PLCB1: variants seen among roughly 807,000 people sequenced by gnomAD.
PLCB1 encodes 1-phosphatidylinositol 4,5-bisphosphate phosphodiesterase beta-1.
In PLCB1, 46 loss-of-function variants were observed where a neutral mutation model predicts 161.8. The ratio of observed to expected loss-of-function variants is 0.28; its 90% CI spans 0.22 to 0.36. The LOEUF (loss-of-function observed/expected upper bound fraction) is 0.36. Ranked by LOEUF, PLCB1 falls within the 10% of genes least tolerant of loss-of-function variation. The pLI is 1.00. For missense variants in PLCB1, 1,016 were observed against 1,472.5 expected, an observed-to-expected ratio of 0.69 and a Z score of 5.07; for synonymous variants, 517 against 503.7, an observed-to-expected ratio of 1.03 and a Z score of -0.35.
intron 2 of PLCB1, among the ~76,000 whole-genome samples, chr20:8,184,751 C>T (rs6055611): frequency 0.39 from 57,303 of 147,754 alleles, 12,585 homozygotes; most frequent in African/African-American, 0.61. Flanking sequence ...GTCAACATTT[C>T]GAAAGTTTGG....
chr20:8,338,708 A>G (rs1315615963), intron 2 of PLCB1, among the ~76,000 whole-genome samples: 1 of 152,180 alleles, frequency 6.6e-6, no homozygotes, highest in African/African-American at 2.4e-5. Context: ...AATTTTGACA[A>G]ATGTATACAC....
chr20:8,411,015 T>C (rs1217206992), intron 3 of PLCB1, among the ~76,000 whole-genome samples: 1 of 152,220 alleles, frequency 6.6e-6, no homozygotes, highest in African/African-American at 2.4e-5. Flanking sequence ...GGACTTTTGA[T>C]CTCCAAAACT....
chr20:8,838,053 T>A (rs6140740), intron 31 of PLCB1, among the ~76,000 whole-genome samples: 48,475 of 142,316 alleles, frequency 0.34, 8,757 homozygotes, highest in East Asian at 0.65. Context: ...CTCTGTAAGC[T>A]GAAAATTTCT....
intron 31 of PLCB1, among the ~76,000 whole-genome samples, chr20:8,850,317 G>A (rs1191483728): frequency 2.0e-5 from 3 of 152,154 alleles, no homozygotes; most frequent in Non-Finnish European, 2.9e-5. Context: ...CATGTAAGAC[G>A]CTGTATAAAT....
intron 31 of PLCB1, among the ~76,000 whole-genome samples, chr20:8,844,066 CAA>C (rs1385557946): frequency 6.6e-6 from 1 of 152,204 alleles, no homozygotes; most frequent in African/African-American, 2.4e-5. Context: ...ACACTTAAGG[CAA>C]AACTCACTGT....
chr20:8,175,590 A>G (rs1254747903), intron 2 of PLCB1, among the ~76,000 whole-genome samples: 1 of 152,218 alleles, frequency 6.6e-6, no homozygotes, highest in Admixed American at 6.5e-5. Flanking sequence ...CACATAGGAA[A>G]ATCTTTGGAA....
chr20:8,654,556 A>G (rs1323752083), intron 7 of PLCB1, among the ~76,000 whole-genome samples: 2 of 152,084 alleles, frequency 1.3e-5, no homozygotes, highest in Non-Finnish European at 2.9e-5. Context: ...AATAAGAAAT[A>G]TAAAAAATAA....
chr20:8,588,261 A>G (rs1489415762), intron 3 of PLCB1, among the ~76,000 whole-genome samples: 1 of 152,194 alleles, frequency 6.6e-6, no homozygotes, highest in Non-Finnish European at 1.5e-5. Flanking sequence ...TTTCAAAATT[A>G]TTTTGGAGAA....
chr20:8,684,875 C>A (rs59327455), intron 9 of PLCB1, 57 bp from the exon 10 acceptor site: 10 of 1,349,820 alleles, frequency 7.4e-6, no homozygotes, highest in African/African-American at 1.5e-5. Context: ...AAAAAAGAGG[C>A]GACTTGACAC....
intron 12 of PLCB1, among the ~76,000 whole-genome samples, chr20:8,710,502 CTTTTTTTTTT>C (rs1177302486): frequency 2.8e-5 from 2 of 71,476 alleles, no homozygotes; most frequent in African/African-American, 5.4e-5. Flanking sequence ...CTTGAGGATG[CTTTTTTTTTT>C]TTTTTTTTTT....
chr20:8,802,100 T>G (rs1411304574), intron 31 of PLCB1: 1 of 1,613,014 alleles, frequency 6.2e-7, no homozygotes, highest in Admixed American at 1.7e-5. Flanking sequence ...GCCATGAGGA[T>G]CCCTCTGTTT....
chr20:8,645,482 T>G (rs934177136), intron 4 of PLCB1, among the ~76,000 whole-genome samples: 1 of 152,182 alleles, frequency 6.6e-6, no homozygotes, highest in Non-Finnish European at 1.5e-5. Context: ...ACTTCTATAT[T>G]TTTTTGTAGA....
At chr20:8,548,497 C>T (rs1190228647) in intron 3 of PLCB1, among the ~76,000 whole-genome samples, 1 of 145,986 alleles carries the variant, frequency 6.8e-6, no homozygotes, top group Non-Finnish European at 1.5e-5. Flanking sequence ...TCCTTCCTTC[C>T]TTTCTTACTT....
intron 31 of PLCB1, among the ~76,000 whole-genome samples, chr20:8,826,010 A>G (rs971585420): frequency 8.5e-5 from 13 of 152,138 alleles, no homozygotes; most frequent in Admixed American, 7.9e-4. Context: ...CAAACTGGGA[A>G]TGAGGGGGAG....
intron 3 of PLCB1, among the ~76,000 whole-genome samples, chr20:8,459,456 C>G (rs780409888): frequency 6.6e-6 from 1 of 152,068 alleles, no homozygotes; most frequent in Non-Finnish European, 1.5e-5. Context: ...ATTGGTGTTA[C>G]CAGGTAATAG....
At chr20:8,852,700 A>G in intron 31 of PLCB1, among the ~76,000 whole-genome samples, 1 of 152,110 alleles carries the variant, frequency 6.6e-6, no homozygotes, top group Non-Finnish European at 1.5e-5. Flanking sequence ...GCCCCCACAA[A>G]TCTCCAAAAG....
intron 3 of PLCB1, among the ~76,000 whole-genome samples, chr20:8,529,112 T>C (rs1211435389): frequency 6.6e-6 from 1 of 152,122 alleles, no homozygotes; most frequent in East Asian, 1.9e-4. Context: ...TTAACTTGTT[T>C]TCATTCTATT....
intron 9 of PLCB1, among the ~76,000 whole-genome samples, chr20:8,674,188 A>G (rs1391725181): frequency 6.6e-6 from 1 of 152,230 alleles, no homozygotes; most frequent in African/African-American, 2.4e-5. Flanking sequence ...CAGCAAATAT[A>G]TCTATTAGTA....
intron 3 of PLCB1, among the ~76,000 whole-genome samples, chr20:8,583,967 T>A (rs1447778987): frequency 6.6e-6 from 1 of 152,112 alleles, no homozygotes; most frequent in African/African-American, 2.4e-5. Flanking sequence ...TTATGCAGCC[T>A]CACACCTGCA....
Sources: gnomAD v4.1 joint callset for allele counts (sites outside exome capture counted in the v4.1 genomes callset) on GRCh38, gnomAD v4.1.1 for gene constraint, MANE v1.5 for transcripts, NCBI Gene and HGNC (gene_info 2026-07-23, HGNC 2026-07-21) for gene names.